The following CDH7 variants were observed in gnomAD, a reference collection of about 807,000 sequenced individuals.
CDH7 encodes cadherin 7, also known as cadherin-7.
A neutral mutation model predicts 71.8 loss-of-function variants in CDH7; 25 were observed. The observed-to-expected ratio is 0.35, with a 90% CI of 0.25 to 0.49. The LOEUF (loss-of-function observed/expected upper bound fraction) is 0.49, where lower values mean the gene tolerates loss of function less well. CDH7 is among the 20% of genes least tolerant of loss of function. The pLI, the probability that CDH7 is intolerant of heterozygous loss-of-function variation, is 0.99. For synonymous variants in CDH7, 381 were observed against 363.8 expected, an observed-to-expected ratio of 1.05 and a Z score of -0.54; for missense variants, 862 against 974.6, an observed-to-expected ratio of 0.88 and a Z score of 1.54.
intron 2 of CDH7, among the ~76,000 whole-genome samples, chr18:65,782,399 C>A (rs764511751): frequency 6.6e-6 from 1 of 151,958 alleles, no homozygotes; most frequent in Admixed American, 6.6e-5. Context: ...TTCAAGTGAT[C>A]CACCTGCCTC....
rs545850645 is a variant in CDH7 at position 65,842,535 on chromosome 18, A to G, written c.982-1277A>G. On this transcript the variant is annotated intron_variant, in intron 6 of 11. Coordinates refer to ENST00000397968, the MANE Select transcript of CDH7 (RefSeq NM_004361.5). ...GTGTATATGTGTGTATATATGTGTT[A>G]TATTTTATGTAGCAAAGTGAATATG... Among the ~76,000 whole-genome samples the G allele has an allele frequency of 2.6e-5, 4 of 151,912 alleles. No individual in the cohort carries two copies. In the East Asian group the frequency reaches 7.7e-4, roughly 29 times the overall value.
chr18:65,763,519 A>G (rs1049902663), intron 2 of CDH7, among the ~76,000 whole-genome samples: 3 of 151,986 alleles, frequency 2.0e-5, no homozygotes, highest in Non-Finnish European at 4.4e-5. Flanking sequence ...TGCAAAATGA[A>G]ACTATTGACC....
chr18:65,862,651 C>T lies in CDH7; in HGVS notation c.1613-15C>T. On this transcript the variant is annotated splice_polypyrimidine_tract_variant and intron_variant, in intron 10 of 11. Transcript: ENST00000397968. ...TCAGAAATCTGGTGTTATACATTTG[C>T]TTTCGTTATCCTAGACAACACAGCC... 7 of 1,611,054 alleles carry T rather than the reference C, an allele frequency of 4.3e-6. No individual in the cohort carries two copies. The highest frequency in any genetic ancestry group is 5.1e-6 in the Non-Finnish European group (6 of 1,177,804).
intron 2 of CDH7, among the ~76,000 whole-genome samples, chr18:65,766,527 A>G (rs982056340): frequency 6.6e-6 from 1 of 152,070 alleles, no homozygotes; most frequent in Non-Finnish European, 1.5e-5. Context: ...CGATGGTGCA[A>G]CCTTTATCAT....
intron 6 of CDH7, among the ~76,000 whole-genome samples, chr18:65,830,600 C>A (rs1471879598): frequency 9.9e-5 from 3 of 30,380 alleles, no homozygotes; most frequent in East Asian, 2.9e-3. Flanking sequence ...TTCCCTCCCC[C>A]CTTCCCTTTC....
rs1914460641 is a variant in CDH7 at position 65,889,846 on chromosome 18, G to A, written c.*8952G>A. On this transcript the variant is annotated 3_prime_UTR_variant, in exon 12 of 12. Coordinates refer to ENST00000397968, the MANE Select transcript of CDH7 (RefSeq NM_004361.5). Reference sequence around the variant, plus strand: ...AAAAAGATAATCTGCAAGAACATAAGGGACAAGGATAAAATACGGAGTTTA... The same window carrying A: ...AAAAAGATAATCTGCAAGAACATAAAGGACAAGGATAAAATACGGAGTTTA... The A allele has an allele frequency of 6.6e-6, 1 of 152,164 alleles. No homozygotes were observed. Among genetic ancestry groups the A allele is most frequent in the Admixed American group, 6.5e-5 (1 of 15,270 alleles). 9.4% of individuals were successfully genotyped at this position (152,164 alleles called of 1,614,324 possible).
chr18:65,886,944 T>A lies in CDH7; in HGVS notation c.*6050T>A, dbSNP rs950374323. ...TGCCAAGATGAATGTTAATAAGCTC[T>A]CTTCTCAACTTTAGCTCTTAGTTAT... On this transcript the variant is annotated 3_prime_UTR_variant, in exon 12 of 12. Transcript: ENST00000397968. 6.6e-6 allele frequency: 1 copy of A among 152,166 alleles called. No homozygotes were observed. The highest frequency in any genetic ancestry group is 2.4e-5 in the African/African-American group (1 of 41,448). The allele number at this position is 152,166 out of a possible 1,614,324, so 9.4% of individuals were successfully genotyped here.
rs1044266079 is a variant in CDH7, at chr18:65,882,019, A to G, written c.*1125A>G. 8.2e-6 allele frequency: 1 copy of G among 121,298 alleles called. No individual in the cohort carries two copies. The highest frequency in any genetic ancestry group is 1.7e-5 in the Non-Finnish European group (1 of 57,854). 7.5% of individuals were successfully genotyped at this position (121,298 alleles called of 1,614,324 possible). A position where few individuals can be genotyped will look rare whatever the true frequency, so the allele number is the denominator to read the frequency against. ...GATGCAAGAATTATTTTTCAAGATCATGAGTTCTACATGCTCCAAAGACGA... is the reference window on the plus strand; with the variant it reads ...GATGCAAGAATTATTTTTCAAGATCGTGAGTTCTACATGCTCCAAAGACGA... On this transcript the variant is annotated 3_prime_UTR_variant, in exon 12 of 12. Transcript: ENST00000397968.
chr18:65,754,081 C>A (rs1481556868), intron 1 of CDH7, among the ~76,000 whole-genome samples: 7 of 152,248 alleles, frequency 4.6e-5, no homozygotes, highest in Admixed American at 3.3e-4. Context: ...ATAATTTTAC[C>A]ATTTTATTAC....
chr18:65,880,833 G>T lies in CDH7; in HGVS notation c.2297G>T (p.Gly766Val). ...AACTATGACTACCTAAGTGACTGGG[G>T]ACCTCGCTTTAAACGACTCGCGGAC... ...DQNYDYLSDW[G>V]PRFKRLADMY... Residue 766 changes from glycine (G) to valine (V), a missense_variant, in exon 12 of 12, where the codon GGA (glycine) becomes GTA (valine). Physicochemically the swap from Gly to Val is moderately radical, Grantham distance 109. Coordinates refer to ENST00000397968, the MANE Select transcript of CDH7 (RefSeq NM_004361.5). 6.2e-7 allele frequency: 1 copy of T among 1,614,070 alleles called. No homozygotes were observed. Among genetic ancestry groups the T allele is most frequent in the Non-Finnish European group, 8.5e-7 (1 of 1,179,998 alleles).
chr18:65,879,180 C>A (rs1413182530), intron 11 of CDH7, among the ~76,000 whole-genome samples: 2 of 152,120 alleles, frequency 1.3e-5, no homozygotes, highest in South Asian at 2.1e-4. Context: ...AAGTACACTG[C>A]AGTTAAGGAC....
intron 6 of CDH7, among the ~76,000 whole-genome samples, chr18:65,832,550 A>T (rs1165713839): frequency 6.6e-6 from 1 of 151,992 alleles, no homozygotes; most frequent in East Asian, 1.9e-4. Flanking sequence ...AATAAACCTG[A>T]TTATATAGTT....
At chr18:65,758,008 G>C (rs987038816) in intron 1 of CDH7, among the ~76,000 whole-genome samples, 1 of 152,098 alleles carries the variant, frequency 6.6e-6, no homozygotes, top group Non-Finnish European at 1.5e-5. Flanking sequence ...GCACAGATTT[G>C]TGAGGCAATA....
intron 2 of CDH7, among the ~76,000 whole-genome samples, chr18:65,780,786 G>A (rs1342678298): frequency 4.0e-5 from 6 of 151,896 alleles, no homozygotes; most frequent in Admixed American, 1.3e-4. Flanking sequence ...TTGGCAATGC[G>A]GGCTCTTTTT....
chr18:65,843,938 G>A lies in CDH7; in HGVS notation c.1108G>A (p.Asp370Asn), dbSNP rs765879927. Residue 370 changes from aspartate to asparagine, a missense_variant, in exon 7 of 12, where the codon GAT (aspartate) becomes AAT (asparagine). Physicochemically the swap from Asp to Asn is conservative, Grantham distance 23. Transcript: ENST00000397968. ...GACAACTGTGAAGATAATTGTGGAA[G>A]ATGTAGATGAGCCCCCTGTGTTCTC... Reference protein sequence around the residue: ...DTTTVKIIVEDVDEPPVFSSP... With the variant: ...DTTTVKIIVENVDEPPVFSSP... 2 of 1,611,576 alleles carry A rather than the reference G, an allele frequency of 1.2e-6. No homozygotes were observed. The highest frequency in any genetic ancestry group is 4.5e-5 in the East Asian group (2 of 44,684).
At chr18:65,825,476 C>A (rs1473377721) in intron 6 of CDH7, among the ~76,000 whole-genome samples, 4 of 151,880 alleles carry the variant, frequency 2.6e-5, no homozygotes, top group Non-Finnish European at 5.9e-5. Context: ...AAAATGGACT[C>A]TTTACTCTCT....
At chr18:65,829,486 G>A (rs1254527977) in intron 6 of CDH7, among the ~76,000 whole-genome samples, 1 of 137,774 alleles carries the variant, frequency 7.3e-6, no homozygotes, top group Non-Finnish European at 1.6e-5. Context: ...AAAAAAACTT[G>A]TGGTGCTTCA....
intron 6 of CDH7, among the ~76,000 whole-genome samples, chr18:65,841,438 G>A (rs1006393770): frequency 1.3e-5 from 2 of 152,106 alleles, no homozygotes; most frequent in African/African-American, 2.4e-5. Flanking sequence ...GTTTTGCATT[G>A]ATTTGAAAGG....
rs894888785 is a variant in CDH7 at position 65,761,292 on chromosome 18, G to T, written c.-196-1355G>T. 2.9e-4 allele frequency among the ~76,000 whole-genome samples: 44 copies of T among 152,042 alleles called. No individual in the cohort carries two copies. In the South Asian group the frequency reaches 3.9e-3, roughly 14 times the overall value. ...ACCTGTTTTTTCTAGTCATGTGAAC[G>T]ATTTAAAAATTTGATAAATTTGTAT... On this transcript the variant is annotated intron_variant, in intron 1 of 11. Transcript: ENST00000397968.
Sources: allele counts gnomAD v4.1 joint callset (sites outside exome capture counted in the v4.1 genomes callset), GRCh38; gene constraint gnomAD v4.1.1; transcripts MANE v1.5; gene names NCBI Gene and HGNC (gene_info 2026-07-23, HGNC 2026-07-21).